Variants in DCC observed in about 807,000 individuals in gnomAD.
DCC encodes netrin receptor DCC.
DCC carries 58 observed loss-of-function variants against 172.5 expected under a neutral mutation model. The observed-to-expected ratio is 0.34, with a 90% CI of 0.27 to 0.42. The LOEUF (loss-of-function observed/expected upper bound fraction) is 0.42, where lower values mean the gene tolerates loss of function less well. Ranked by LOEUF, DCC falls within the 10% of genes least tolerant of loss-of-function variation. The pLI is 1.00. For missense variants in DCC, 1,740 were observed against 1,791.0 expected (o/e 0.97, Z 0.51); for synonymous variants, 709 against 644.5 (o/e 1.10, Z -1.52).
At chr18:52,725,228 A>G (rs1441626600) in intron 1 of DCC, among the ~76,000 whole-genome samples, 1 of 152,148 alleles carries the variant, frequency 6.6e-6, no homozygotes. Context: ...AATGCTCAGA[A>G]AGTTGGTGTG....
At chr18:52,460,440 C>T (rs891586570) in intron 1 of DCC, among the ~76,000 whole-genome samples, 8 of 152,030 alleles carry the variant, frequency 5.3e-5, no homozygotes, top group South Asian at 2.1e-4. Context: ...TCTTCTGGTC[C>T]TCCTATTTCC....
chr18:52,603,509 C>A (rs1453532765), intron 1 of DCC, among the ~76,000 whole-genome samples: 9 of 149,626 alleles, frequency 6.0e-5, no homozygotes, highest in Non-Finnish European at 1.2e-4. Flanking sequence ...AAGACTAAAG[C>A]AAAATAAAAG....
At position 52,405,469 on chromosome 18, in the gene DCC, A is replaced by T. The variant is rs1986608330; in HGVS notation, c.91+64591A>T. The stretch of plus-strand genomic sequence containing the variant: ...GGCTGCATAAATGTCTTCTTTTGAG[A>T]AGTGTCTGTTCATGTCCTTCGCCCA... On this transcript the variant is annotated intron_variant, in intron 1 of 28. Transcript: ENST00000442544. Among the ~76,000 whole-genome samples, 2 of 149,500 alleles carry T rather than the reference A, an allele frequency of 1.3e-5. 1 individual carries two copies. Among genetic ancestry groups the T allele is most frequent in the South Asian group, 4.3e-4 (2 of 4,698 alleles).
chr18:53,099,939 C>CTTTTT (rs200213348), intron 7 of DCC, among the ~76,000 whole-genome samples: 4,452 of 85,974 alleles, frequency 0.052, 563 homozygotes, highest in Non-Finnish European at 0.07. Flanking sequence ...TCTTTTCTTT[C>CTTTTT]TTTCTTTTTT....
intron 5 of DCC, among the ~76,000 whole-genome samples, chr18:53,057,076 A>G (rs1181833899): frequency 3.0e-5 from 4 of 133,346 alleles, no homozygotes; most frequent in South Asian, 2.3e-4. Flanking sequence ...TAACTTCTAA[A>G]AGTAAAAAAA....
rs533471162 is a variant in DCC, at chr18:52,743,110, T to C, written c.92-8944T>C. 2.7e-4 allele frequency among the ~76,000 whole-genome samples: 41 copies of C among 152,312 alleles called. No individual in the cohort carries two copies. The South Asian group carries it at 8.5e-3, about 32-fold the overall frequency. On this transcript the variant is annotated intron_variant, in intron 1 of 28. Transcript: ENST00000442544. ...TAAAAGTTGATTGGTCACTTCACAA[T>C]AAATGGCATCTCCAAAGCTTGTCTA... is the stretch of plus-strand genomic sequence containing the variant.
At chr18:52,634,482 G>A (rs570780481) in intron 1 of DCC, among the ~76,000 whole-genome samples, 16 of 152,180 alleles carry the variant, frequency 1.1e-4, no homozygotes, top group Non-Finnish European at 1.9e-4. Context: ...TCATGGGGAA[G>A]TGGGAATGAT....
chr18:52,410,994 A>G lies in DCC; in HGVS notation c.91+70116A>G, dbSNP rs190051961. ...ACATTGTAATATGACTGGTTCCAGG[A>G]TATTTTTTACTTGGGTAAAGTAAGC... On this transcript the variant is annotated intron_variant, in intron 1 of 28. Transcript: ENST00000442544. Among the ~76,000 whole-genome samples the G allele has an allele frequency of 1.1e-3, 172 of 152,242 alleles. 1 individual carries two copies. The South Asian group carries it at 0.018, about 16-fold the overall frequency.
intron 26 of DCC, among the ~76,000 whole-genome samples, chr18:53,495,826 T>G (rs911538959): frequency 6.6e-6 from 1 of 152,156 alleles, no homozygotes; most frequent in Non-Finnish European, 1.5e-5. Context: ...TTTTCACTCT[T>G]TTTGCTCTAA....
intron 1 of DCC, among the ~76,000 whole-genome samples, chr18:52,569,675 T>G (rs944282621): frequency 3.9e-5 from 6 of 152,150 alleles, no homozygotes; most frequent in Non-Finnish European, 5.9e-5. Context: ...ACTACTACAA[T>G]TCTGGCATTA....
intron 1 of DCC, among the ~76,000 whole-genome samples, chr18:52,478,270 T>C (rs894801291): frequency 6.6e-6 from 1 of 152,214 alleles, no homozygotes; most frequent in Admixed American, 6.5e-5. Context: ...ATCACCATTA[T>C]CTTTCTTCCT....
intron 7 of DCC, among the ~76,000 whole-genome samples, chr18:53,139,009 G>A (rs2043790443): frequency 6.6e-6 from 1 of 152,134 alleles, no homozygotes; most frequent in African/African-American, 2.4e-5. Context: ...CAAGAGCTCA[G>A]GTTTGCAGAC....
intron 19 of DCC, among the ~76,000 whole-genome samples, chr18:53,404,691 A>G (rs900816505): frequency 6.6e-6 from 1 of 152,058 alleles, no homozygotes. Context: ...CGTTCGCGCT[A>G]CTGCACTCCA....
intron 15 of DCC, among the ~76,000 whole-genome samples, chr18:53,349,397 C>T (rs2057762043): frequency 6.6e-6 from 1 of 152,204 alleles, no homozygotes; most frequent in African/African-American, 2.4e-5. Flanking sequence ...CCAAACGTTT[C>T]CACATTGTCC....
At chr18:52,340,970 G>A (rs533623612) in intron 1 of DCC, 92 bp downstream of exon 1, 6 of 1,022,766 alleles carry the variant, frequency 5.9e-6, no homozygotes, top group South Asian at 5.1e-5. Flanking sequence ...ATTGGGGTGG[G>A]GGATAGCAAG....
intron 25 of DCC, among the ~76,000 whole-genome samples, chr18:53,473,573 T>G (rs2045724865): frequency 6.6e-6 from 1 of 152,194 alleles, no homozygotes; most frequent in Non-Finnish European, 1.5e-5. Flanking sequence ...ATGAAAATGT[T>G]TAATATTATT....
intron 14 of DCC, among the ~76,000 whole-genome samples, chr18:53,329,477 T>A (rs1325301293): frequency 6.6e-6 from 1 of 151,974 alleles, no homozygotes; most frequent in Non-Finnish European, 1.5e-5. Flanking sequence ...CAATAATTAG[T>A]TTAAACATTG....
chr18:52,681,677 A>G (rs2035752401), intron 1 of DCC, among the ~76,000 whole-genome samples: 1 of 152,090 alleles, frequency 6.6e-6, no homozygotes, highest in Non-Finnish European at 1.5e-5. Flanking sequence ...ACCCACTGGT[A>G]GGAGAGGGGC....
At chr18:52,402,311 A>G (rs753347346) in intron 1 of DCC, among the ~76,000 whole-genome samples, 1 of 152,022 alleles carries the variant, frequency 6.6e-6, no homozygotes, top group African/African-American at 2.4e-5. Context: ...GGGTGATCAG[A>G]ATATTTTACT....
Sources: allele counts gnomAD v4.1 joint callset (sites outside exome capture counted in the v4.1 genomes callset), GRCh38; gene constraint gnomAD v4.1.1; transcripts MANE v1.5; gene names NCBI Gene and HGNC (gene_info 2026-07-23, HGNC 2026-07-21).